PAM: variants seen among roughly 807,000 people sequenced by gnomAD.
PAM encodes peptidylglycine alpha-amidating monooxygenase, also known as peptidyl-glycine alpha-amidating monooxygenase.
In PAM, 72 loss-of-function variants were observed where a neutral mutation model predicts 122.1. The ratio of observed to expected loss-of-function variants is 0.59; its 90% confidence interval spans 0.49 to 0.72. The LOEUF is 0.72. Among genes scored for constraint, PAM ranks in the 30% least tolerant of loss-of-function variants. The pLI is 0.00. For missense variants in PAM, 1,106 were observed against 1,183.7 expected (o/e 0.93, Z 0.96); for synonymous variants, 389 against 404.4 (o/e 0.96, Z 0.46).
At chr5:102,975,927 A>C (rs544075847) in intron 15 of PAM, among the ~76,000 whole-genome samples, 2 of 152,282 alleles carry the variant, frequency 1.3e-5, no homozygotes, top group East Asian at 3.9e-4. Context: ...CCCAGTCAGA[A>C]TTTGACTTAA....
At chr5:102,900,254 T>TGTTGG (rs777616737) in intron 3 of PAM, among the ~76,000 whole-genome samples, 1 of 26,978 alleles carries the variant, frequency 3.7e-5, no homozygotes, top group East Asian at 9.3e-4. Flanking sequence ...TGTGTGTGTG[T>TGTTGG]GGGGGGGGGG....
At chr5:102,838,287 G>A (rs568597246) in intron 1 of PAM, 32 of 152,052 alleles carry the variant, frequency 2.1e-4, no homozygotes, top group African/African-American at 7.2e-4. Flanking sequence ...TGGCCATCAT[G>A]TTCTTTGGAC....
rs1187579447 is a variant in PAM, at chr5:102,925,013, G to A, written c.413G>A (p.Arg138Lys). The A allele has an allele frequency of 3.1e-6, 5 of 1,589,922 alleles. No individual in the cohort carries two copies. In the African/African-American group the frequency reaches 6.7e-5, roughly 21 times the overall value. The change falls in exon 6 of 26, where the codon AGA (arginine) becomes AAA (lysine). Residue 138 changes from arginine to lysine, a missense_variant. Physicochemically the swap from Arg to Lys is conservative, Grantham distance 26. Coordinates refer to ENST00000438793, the MANE Select transcript of PAM (RefSeq NM_001177306.2). Reference sequence around the variant, plus strand: ...GCCAATATTCTGTATGCCTGGGCGAGAAATGCTCCCCCTACCCGGCTCCCC... The same window carrying A: ...GCCAATATTCTGTATGCCTGGGCGAAAAATGCTCCCCCTACCCGGCTCCCC... Reference protein sequence around the residue: ...DKANILYAWARNAPPTRLPKG... With the variant: ...DKANILYAWAKNAPPTRLPKG...
At chr5:102,967,871 C>T (rs988675812) in intron 14 of PAM, among the ~76,000 whole-genome samples, 18 of 151,838 alleles carry the variant, frequency 1.2e-4, no homozygotes, top group African/African-American at 3.1e-4. Flanking sequence ...TACAGGTGCC[C>T]GCCACCACCC....
chr5:102,761,951 G>C (rs907305275), intron 1 of PAM, among the ~76,000 whole-genome samples: 5 of 152,182 alleles, frequency 3.3e-5, no homozygotes, highest in African/African-American at 7.2e-5. Context: ...TGAATTCTGG[G>C]AGAGCCGAGG....
chr5:102,988,528 T>C (rs1381238752), intron 15 of PAM, among the ~76,000 whole-genome samples: 1 of 150,722 alleles, frequency 6.6e-6, no homozygotes. Flanking sequence ...GATTCTACCA[T>C]AGTACCTTAC....
At chr5:102,783,482 A>T (rs754233541) in intron 1 of PAM, among the ~76,000 whole-genome samples, 13 of 152,188 alleles carry the variant, frequency 8.5e-5, no homozygotes, top group Non-Finnish European at 1.6e-4. Flanking sequence ...AGTATTTGGA[A>T]TCATCCCTTT....
chr5:103,009,339 C>T (rs556383687), intron 20 of PAM, among the ~76,000 whole-genome samples: 1 of 152,226 alleles, frequency 6.6e-6, no homozygotes, highest in African/African-American at 2.4e-5. Flanking sequence ...TTGGATTCTC[C>T]ATGTAGCTAT....
chr5:102,844,768 T>C (rs1362064466), intron 1 of PAM, among the ~76,000 whole-genome samples: 1 of 152,176 alleles, frequency 6.6e-6, no homozygotes, highest in Non-Finnish European at 1.5e-5. Context: ...TTAAGTAACT[T>C]GTCCAGGGTT....
intron 7 of PAM, among the ~76,000 whole-genome samples, chr5:102,930,242 A>G (rs1338352086): frequency 6.6e-6 from 1 of 152,116 alleles, no homozygotes; most frequent in Admixed American, 6.6e-5. Context: ...AGTTTATTGT[A>G]TTCTAGTAGG....
intron 1 of PAM, among the ~76,000 whole-genome samples, chr5:102,843,804 G>A (rs1779280844): frequency 6.6e-6 from 1 of 152,120 alleles, no homozygotes; most frequent in African/African-American, 2.4e-5. Flanking sequence ...AAAGCTCAAT[G>A]AGGTATCACT....
At chr5:103,026,002 G>T (rs1784841380) in intron 24 of PAM, among the ~76,000 whole-genome samples, 1 of 152,106 alleles carries the variant, frequency 6.6e-6, no homozygotes, top group Non-Finnish European at 1.5e-5. Context: ...TAGTTTTCAA[G>T]AAAAATTAAT....
intron 5 of PAM, among the ~76,000 whole-genome samples, chr5:102,915,365 A>G (rs553573947): frequency 2.0e-5 from 3 of 152,288 alleles, no homozygotes; most frequent in South Asian, 4.1e-4. Context: ...GGAAATCTCC[A>G]TGGACCAAGT....
At chr5:102,793,175 C>T (rs1762487847) in intron 1 of PAM, among the ~76,000 whole-genome samples, 1 of 151,998 alleles carries the variant, frequency 6.6e-6, no homozygotes, top group Non-Finnish European at 1.5e-5. Context: ...TTAAAATTCC[C>T]TCCGTGTAAA....
At chr5:102,897,218 G>T (rs1796451432) in intron 3 of PAM, among the ~76,000 whole-genome samples, 1 of 151,498 alleles carries the variant, frequency 6.6e-6, no homozygotes, top group Non-Finnish European at 1.5e-5. Context: ...TGAGTAATAT[G>T]TGGAAACGTA....
intron 4 of PAM, among the ~76,000 whole-genome samples, chr5:102,907,299 A>G (rs1277529716): frequency 6.6e-6 from 1 of 151,784 alleles, no homozygotes; most frequent in Non-Finnish European, 1.5e-5. Flanking sequence ...AAGGACATGA[A>G]CTCATCCTTT....
At position 102,755,309 on chromosome 5, in the gene PAM, G is replaced by C. The variant is rs1164933475; in HGVS notation, c.-413G>C. ...CCGCCCGCCGCTCCGCCGCCCGCAG[G>C]CTCCGGCTTCCGTCCCGGACAGAGC... On this transcript the variant is annotated 5_prime_UTR_variant, in exon 1 of 26. Transcript: ENST00000438793. The C allele has an allele frequency of 6.6e-6, 1 of 152,554 alleles. No homozygotes were observed. Among genetic ancestry groups the C allele is most frequent in the Admixed American group, 6.5e-5 (1 of 15,298 alleles). The allele number at this position is 152,554 out of a possible 1,614,324, so 9.5% of individuals were successfully genotyped here. A position where few individuals can be genotyped will look rare whatever the true frequency, so the allele number is the denominator to read the frequency against.
At position 103,006,973 on chromosome 5, in the gene PAM, T is replaced by G; in HGVS notation, c.1976T>G (p.Phe659Cys). 6.2e-7 allele frequency: 1 copy of G among 1,613,854 alleles called. No homozygotes were observed. Among genetic ancestry groups the G allele is most frequent in the Non-Finnish European group, 8.5e-7 (1 of 1,179,876 alleles). Reference sequence around the variant, plus strand: ...TACTGCAACAGCAGGATTGTGCAGTTTTCACCAAGTGGAAAGTTCATCACA... The same window carrying G: ...TACTGCAACAGCAGGATTGTGCAGTGTTCACCAAGTGGAAAGTTCATCACA... Reference protein sequence around the residue: ...DGYCNSRIVQFSPSGKFITQW... With the variant: ...DGYCNSRIVQCSPSGKFITQW... Residue 659 changes from phenylalanine to cysteine, a missense_variant, in exon 19 of 26, where the codon TTT becomes TGT. By Grantham distance (205) the Phe-to-Cys change is radical. This residue lies in a region of PAM where 103 missense variants were observed against 157.9 expected (regional missense o/e 0.65). Coordinates refer to ENST00000438793, the MANE Select transcript of PAM (RefSeq NM_001177306.2).
At chr5:102,830,123 ATGGC>A (rs1265607237) in intron 1 of PAM, among the ~76,000 whole-genome samples, 2 of 152,198 alleles carry the variant, frequency 1.3e-5, no homozygotes, top group Non-Finnish European at 2.9e-5. Flanking sequence ...AACTGGTTGC[ATGGC>A]TGGCATTCAT....
Sources: allele counts gnomAD v4.1 joint callset (sites outside exome capture counted in the v4.1 genomes callset), GRCh38; gene constraint gnomAD v4.1.1; regional missense constraint gnomAD v4.1.1; transcripts MANE v1.5; gene names NCBI Gene and HGNC (gene_info 2026-07-23, HGNC 2026-07-21).